TDP2: variants seen among roughly 807,000 people sequenced by gnomAD.
TDP2 encodes the protein 5'-Tyr-DNA phosphodiesterase.
TDP2 carries 38 observed loss-of-function variants against 42.8 expected under a neutral mutation model. That is an observed-to-expected ratio of 0.89 (90% CI 0.68 to 1.16). TDP2 has a LOEUF of 1.16. Ranked by LOEUF, TDP2 falls within the 50% of genes most tolerant of loss-of-function variation. The pLI is 0.00. For missense variants in TDP2, 439 were observed against 439.3 expected (o/e 1.00, Z 0.01); for synonymous variants, 173 against 150.6 (o/e 1.15, Z -1.09).
intron 2 of TDP2, chr6:24,666,145 G>A (rs1486927733): frequency 1.3e-6 from 2 of 1,550,426 alleles, no homozygotes; most frequent in Non-Finnish European, 8.7e-7. Flanking sequence ...TCAGCCTAGG[G>A]CCTAGAATAA....
At chr6:24,654,321 T>C in intron 5 of TDP2, 91 bp downstream of exon 5, 1 of 626,314 alleles carries the variant, frequency 1.6e-6, no homozygotes, top group Non-Finnish European at 2.6e-6. Flanking sequence ...CAAATTTTTC[T>C]CTAAAGGCAA....
At chr6:24,656,324 C>T (rs1036598980) in intron 4 of TDP2, among the ~76,000 whole-genome samples, 1 of 151,702 alleles carries the variant, frequency 6.6e-6, no homozygotes, top group African/African-American at 2.4e-5. Flanking sequence ...CAAGGATCAA[C>T]CCAGGAGATC....
Position 24,650,578 on chromosome 6 carries a change from A to T in TDP2, c.*210T>A. ...TGACAGGCTTTGTGCCCTTTTTATT[A>T]AATGGCCTCACATCCTGAATGCAGG... On this transcript the variant is annotated 3_prime_UTR_variant, in exon 7 of 7. Transcript: ENST00000378198. 1 of 563,916 alleles carries T rather than the reference A, an allele frequency of 1.8e-6. No homozygotes were observed. The highest frequency in any genetic ancestry group is 3.5e-5 in the Admixed American group (1 of 28,842). The allele number at this position is 563,916 out of a possible 1,614,324, so 34.9% of individuals were successfully genotyped here.
chr6:24,665,249 G>A (rs1778211839), intron 2 of TDP2, among the ~76,000 whole-genome samples: 2 of 152,178 alleles, frequency 1.3e-5, no homozygotes, highest in Admixed American at 6.5e-5. Context: ...AAGTTAACAT[G>A]TTACAGTTCC....
At chr6:24,657,471 A>T (rs998319256) in intron 4 of TDP2, among the ~76,000 whole-genome samples, 2 of 150,252 alleles carry the variant, frequency 1.3e-5, no homozygotes, top group Non-Finnish European at 3.0e-5. Context: ...ATAAATAAGG[A>T]ATTATAAAAT....
chr6:24,660,690 C>T (rs1057401091), intron 2 of TDP2, among the ~76,000 whole-genome samples: 2 of 152,160 alleles, frequency 1.3e-5, no homozygotes, highest in Non-Finnish European at 2.9e-5. Context: ...AAGACCTAGA[C>T]CAATCTTGCC....
intron 3 of TDP2, 73 bp from the exon 4 acceptor site, chr6:24,657,976 T>C: frequency 9.3e-7 from 1 of 1,080,678 alleles, no homozygotes; most frequent in Non-Finnish European, 1.3e-6. Context: ...ATGAAGGAAA[T>C]CCCACAACAT....
Position 24,651,054 on chromosome 6 carries a change from C to A in TDP2, c.823G>T (p.Gly275Cys). ...ACATCCACAATGTTGTTGGGTAAAC[C>A]ACCACATCTGGTAACCTGAAAAGAA... ...LRDREVTRCG[G>C]LPNNIVDVWE... Residue 275 changes from glycine (G) to cysteine (C), a missense_variant, in exon 7 of 7, where the codon GGT (glycine) becomes TGT (cysteine). Transcript: ENST00000378198. 1 of 1,611,152 alleles carries A rather than the reference C, an allele frequency of 6.2e-7. No individual in the cohort carries two copies. The highest frequency in any genetic ancestry group is 8.5e-7 in the Non-Finnish European group (1 of 1,178,720).
At chr6:24,652,036 C>A (rs922691611) in intron 6 of TDP2, among the ~76,000 whole-genome samples, 1 of 152,186 alleles carries the variant, frequency 6.6e-6, no homozygotes, top group African/African-American at 2.4e-5. Flanking sequence ...TTCCCTTATA[C>A]CCCCAGTCCC....
chr6:24,664,457 T>C (rs17243499), intron 2 of TDP2, among the ~76,000 whole-genome samples: 6,184 of 152,064 alleles, frequency 0.041, 349 homozygotes, highest in African/African-American at 0.12. Flanking sequence ...AGCATAGCTG[T>C]TTTAAGAGGA....
Position 24,662,165 on chromosome 6 carries a change from C to G in TDP2, c.252-3431G>C, listed in dbSNP as rs572437839. ...CCTGGGTATTGTCCAAGGATTCCCCCCACTGAGACAGCCTGAGATAATGGC... is the reference window on the plus strand; with the variant it reads ...CCTGGGTATTGTCCAAGGATTCCCCGCACTGAGACAGCCTGAGATAATGGC... On this transcript the variant is annotated intron_variant, in intron 2 of 6. Coordinates refer to ENST00000378198, the MANE Select transcript of TDP2 (RefSeq NM_016614.3). Among the ~76,000 whole-genome samples, 9 of 152,218 alleles carry G rather than the reference C, an allele frequency of 5.9e-5. No homozygotes were observed. The South Asian group carries it at 1.9e-3, about 32-fold the overall frequency.
At chr6:24,653,990 A>C (rs1170252586) in intron 5 of TDP2, among the ~76,000 whole-genome samples, 1 of 152,154 alleles carries the variant, frequency 6.6e-6, no homozygotes, top group East Asian at 1.9e-4. Flanking sequence ...AAACTTCCAC[A>C]CATCATTTAT....
Position 24,666,554 on chromosome 6 carries a change from G to T in TDP2, c.223C>A (p.Pro75Thr). ...GTCTTGGGCTCAGAGATGGTTTCAG[G>T]TCGGCGTTCCAAGGCGCTCTCCTCC... ...PVEESALERR[P>T]ETISEPKTYV... The change falls in exon 2 of 7, where the codon CCT becomes ACT. Residue 75 changes from proline to threonine, a missense_variant. Coordinates refer to ENST00000378198, the MANE Select transcript of TDP2 (RefSeq NM_016614.3). The T allele has an allele frequency of 1.2e-6, 2 of 1,614,140 alleles. No homozygotes were observed. Among genetic ancestry groups the T allele is most frequent in the Non-Finnish European group, 1.7e-6 (2 of 1,179,972 alleles).
Position 24,650,739 on chromosome 6 carries a change from G to T in TDP2, c.*49C>A. The T allele has an allele frequency of 6.3e-7, 1 of 1,578,826 alleles. No individual in the cohort carries two copies. The highest frequency in any genetic ancestry group is 1.1e-5 in the South Asian group (1 of 87,532). On this transcript the variant is annotated 3_prime_UTR_variant, in exon 7 of 7. Transcript: ENST00000378198. ...AGCAAACCTACCTTTCCAGAAGGTG[G>T]AAATTGTATTTGCAACAATCAGGGC...
At position 24,657,845 on chromosome 6, in the gene TDP2, T is replaced by C; in HGVS notation, c.484A>G (p.Lys162Glu). The C allele has an allele frequency of 6.3e-7, 1 of 1,584,510 alleles. No individual in the cohort carries two copies. The highest frequency in any genetic ancestry group is 8.6e-7 in the Non-Finnish European group (1 of 1,165,088). Reference sequence around the variant, plus strand: ...ATCTCATAATTACTTGATCTCTTCTTTAGGTAGCTATAATATGGGGGAATA... The same window carrying C: ...ATCTCATAATTACTTGATCTCTTCTCTAGGTAGCTATAATATGGGGGAATA... ...EVIPPYYSYL[K>E]KRSSNYEIIT... The change falls in exon 4 of 7, where the codon AAG (lysine) becomes GAG (glutamate). Residue 162 changes from lysine to glutamate, a missense_variant. Coordinates refer to ENST00000378198, the MANE Select transcript of TDP2 (RefSeq NM_016614.3).
At chr6:24,652,379 T>C (rs1777987625) in intron 6 of TDP2, among the ~76,000 whole-genome samples, 1 of 152,224 alleles carries the variant, frequency 6.6e-6, no homozygotes, top group African/African-American at 2.4e-5. Context: ...TTTGGGTATT[T>C]ACACCTAGAA....
intron 2 of TDP2, among the ~76,000 whole-genome samples, chr6:24,662,478 C>T (rs1049464852): frequency 2.6e-5 from 4 of 152,128 alleles, no homozygotes; most frequent in East Asian, 3.9e-4. Context: ...ACCTGGCCTA[C>T]GTGCATATCC....
Position 24,658,737 on chromosome 6 carries a change from G to A in TDP2, c.252-3C>T, listed in dbSNP as rs1778096325. On this transcript the variant is annotated splice_region_variant and splice_polypyrimidine_tract_variant and intron_variant, in intron 2 of 6. Transcript: ENST00000378198. ...TTTCTTCATTGGTTAGGTCAACACT[G>A]GCAAGATCAGAATAAAACATGGCTT... The A allele has an allele frequency of 6.2e-7, 1 of 1,609,430 alleles. No individual in the cohort carries two copies. Among genetic ancestry groups the A allele is most frequent in the Non-Finnish European group, 8.5e-7 (1 of 1,178,090 alleles).
At chr6:24,659,416 G>A (rs890932920) in intron 2 of TDP2, among the ~76,000 whole-genome samples, 11 of 152,212 alleles carry the variant, frequency 7.2e-5, no homozygotes, top group African/African-American at 2.7e-4. Context: ...TCCTGAGGGT[G>A]TGTCATGGGT....
Sources: gnomAD v4.1 joint callset for allele counts (sites outside exome capture counted in the v4.1 genomes callset) on GRCh38, gnomAD v4.1.1 for gene constraint, MANE v1.5 for transcripts, NCBI Gene and HGNC (gene_info 2026-07-23, HGNC 2026-07-21) for gene names.